The following RBMS3 variants were observed in gnomAD, a reference collection of about 807,000 sequenced individuals.
The protein encoded by RBMS3 is RNA-binding motif, single-stranded-interacting protein 3.
In RBMS3, 27 loss-of-function variants were observed where a neutral mutation model predicts 66.8. The observed-to-expected ratio is 0.40, with a 90% CI of 0.30 to 0.56. The LOEUF (loss-of-function observed/expected upper bound fraction) is 0.56, where lower values mean the gene tolerates loss of function less well. RBMS3 is among the 20% of genes least tolerant of loss of function. The probability of loss-of-function intolerance (pLI) is 0.40; values close to 1 mark genes in which losing one functional copy is unlikely to be tolerated. For synonymous variants in RBMS3, 188 were observed against 183.0 expected, an observed-to-expected ratio of 1.03 and a Z score of -0.22; for missense variants, 513 against 549.5, an observed-to-expected ratio of 0.93 and a Z score of 0.66.
At chr3:29,378,041 G>A (rs1311689743) in intron 1 of RBMS3, among the ~76,000 whole-genome samples, 3 of 152,124 alleles carry the variant, frequency 2.0e-5, no homozygotes, top group Admixed American at 2.0e-4. Flanking sequence ...GCTAGGGAAA[G>A]CAAAAAGTTA....
intron 6 of RBMS3, among the ~76,000 whole-genome samples, chr3:29,775,496 A>T (rs1290552038): frequency 1.3e-5 from 2 of 152,018 alleles, no homozygotes; most frequent in African/African-American, 4.8e-5. Context: ...TGAATTTGTG[A>T]GTAGCATGCG....
chr3:29,858,718 C>T (rs1353053809), intron 6 of RBMS3, among the ~76,000 whole-genome samples: 4 of 152,210 alleles, frequency 2.6e-5, no homozygotes, highest in African/African-American at 7.2e-5. Flanking sequence ...GAAACAATAG[C>T]GTTACATTAT....
At chr3:29,909,205 G>T (rs759701361) in intron 10 of RBMS3, among the ~76,000 whole-genome samples, 1 of 152,036 alleles carries the variant, frequency 6.6e-6, no homozygotes, top group African/African-American at 2.4e-5. Flanking sequence ...CAACTTTCAC[G>T]CAGTCAAATC....
intron 10 of RBMS3, among the ~76,000 whole-genome samples, chr3:29,923,882 G>T (rs1037854532): frequency 6.6e-6 from 1 of 152,130 alleles, no homozygotes; most frequent in Non-Finnish European, 1.5e-5. Context: ...TGTTAAAGGA[G>T]CAGTGAGGAA....
At chr3:29,872,872 T>A (rs1299765485) in intron 7 of RBMS3, among the ~76,000 whole-genome samples, 1 of 152,180 alleles carries the variant, frequency 6.6e-6, no homozygotes, top group Non-Finnish European at 1.5e-5. Flanking sequence ...ATTGCTTTTG[T>A]CAGTTTTGTT....
intron 12 of RBMS3, among the ~76,000 whole-genome samples, chr3:29,987,468 C>T (rs1406581548): frequency 6.6e-6 from 1 of 152,100 alleles, no homozygotes; most frequent in Non-Finnish European, 1.5e-5. Context: ...GATTTGGCTT[C>T]ATTATTCATC....
chr3:29,572,434 A>G (rs776976449), intron 3 of RBMS3, among the ~76,000 whole-genome samples: 1 of 152,166 alleles, frequency 6.6e-6, no homozygotes, highest in African/African-American at 2.4e-5. Context: ...ATGTTGAGGT[A>G]TGCTCTGTCT....
At chr3:29,443,180 T>TA (rs1339075306) in intron 2 of RBMS3, among the ~76,000 whole-genome samples, 1 of 152,034 alleles carries the variant, frequency 6.6e-6, no homozygotes, top group Non-Finnish European at 1.5e-5. Context: ...GTGGTCCAAA[T>TA]AAAAAATCTT....
intron 6 of RBMS3, among the ~76,000 whole-genome samples, chr3:29,782,814 GAC>G (rs1343921225): frequency 6.6e-6 from 1 of 152,080 alleles, no homozygotes; most frequent in African/African-American, 2.4e-5. Flanking sequence ...ATTCTTCAGT[GAC>G]ACAGACAGCA....
chr3:29,841,230 C>T (rs190670525), intron 6 of RBMS3, among the ~76,000 whole-genome samples: 3 of 151,724 alleles, frequency 2.0e-5, no homozygotes, highest in Admixed American at 6.6e-5. Context: ...GTATATTAAC[C>T]AAATTAGCCC....
At chr3:29,413,194 C>A (rs1247863918) in intron 1 of RBMS3, among the ~76,000 whole-genome samples, 1 of 152,094 alleles carries the variant, frequency 6.6e-6, no homozygotes, top group Non-Finnish European at 1.5e-5. Context: ...CATGGTGAAA[C>A]CCTGTCTCTA....
rs530204708 is a variant in RBMS3, at chr3:29,994,408, C to A, written c.1307+3199C>A. Reference sequence around the variant, plus strand: ...AGGTAAACAAAGCATCCCGGAAGCTCCAACTGGGTGGAGCCCACCACAGCT... The same window carrying A: ...AGGTAAACAAAGCATCCCGGAAGCTACAACTGGGTGGAGCCCACCACAGCT... On this transcript the variant is annotated intron_variant, in intron 14 of 14. Coordinates refer to ENST00000383767, the MANE Select transcript of RBMS3 (RefSeq NM_001003793.3). Among the ~76,000 whole-genome samples the A allele has an allele frequency of 2.0e-5, 3 of 152,352 alleles. No individual in the cohort carries two copies. In the South Asian group the frequency reaches 6.2e-4, roughly 32 times the overall value.
intron 4 of RBMS3, among the ~76,000 whole-genome samples, chr3:29,598,279 A>G (rs2048025175): frequency 1.3e-5 from 2 of 152,220 alleles, no homozygotes; most frequent in African/African-American, 4.8e-5. Context: ...CTAATGTAAC[A>G]TCATTAAAAC....
chr3:29,369,947 G>A (rs985724461), intron 1 of RBMS3, among the ~76,000 whole-genome samples: 7 of 151,894 alleles, frequency 4.6e-5, no homozygotes, highest in African/African-American at 9.7e-5. Flanking sequence ...TAATTAATCT[G>A]AAGATACAAT....
chr3:29,636,183 C>T (rs2049466881), intron 4 of RBMS3, among the ~76,000 whole-genome samples: 1 of 151,582 alleles, frequency 6.6e-6, no homozygotes, highest in African/African-American at 2.4e-5. Flanking sequence ...CAGTTCTGAG[C>T]ATTTTAATCA....
At chr3:29,669,470 G>A (rs1270574523) in intron 4 of RBMS3, among the ~76,000 whole-genome samples, 2 of 152,142 alleles carry the variant, frequency 1.3e-5, no homozygotes, top group African/African-American at 4.8e-5. Flanking sequence ...TTTAAACCTA[G>A]TGTTCCAGCC....
intron 2 of RBMS3, among the ~76,000 whole-genome samples, chr3:29,465,488 T>A (rs1056561821): frequency 6.6e-6 from 1 of 151,972 alleles, no homozygotes; most frequent in Non-Finnish European, 1.5e-5. Flanking sequence ...TCTTCATTTA[T>A]CTTTTAAAGA....
intron 4 of RBMS3, among the ~76,000 whole-genome samples, chr3:29,682,142 A>ATGTT (rs201155024): frequency 0.023 from 3,488 of 151,982 alleles, 51 homozygotes; most frequent in Middle Eastern, 0.041. Flanking sequence ...AGGCAATTAG[A>ATGTT]TGTTTGTTTG....
At chr3:29,309,529 A>G (rs1209908051) in intron 1 of RBMS3, among the ~76,000 whole-genome samples, 2 of 151,706 alleles carry the variant, frequency 1.3e-5, no homozygotes, top group African/African-American at 4.8e-5. Flanking sequence ...GGCAGTGATC[A>G]TCACAGCACA....
Sources: allele counts gnomAD v4.1 joint callset (sites outside exome capture counted in the v4.1 genomes callset), GRCh38; gene constraint gnomAD v4.1.1; transcripts MANE v1.5; gene names NCBI Gene and HGNC (gene_info 2026-07-23, HGNC 2026-07-21).